The following GALK2 variants were observed in gnomAD, a reference collection of about 807,000 sequenced individuals.
The protein encoded by GALK2 is N-acetylgalactosamine kinase.
Under a neutral mutation model 52.4 loss-of-function variants are expected in GALK2, and 36 were observed. The observed-to-expected ratio is 0.69, with a 90% CI of 0.53 to 0.91. GALK2 has a LOEUF of 0.91. Ranked by LOEUF, GALK2 falls within the 40% of genes least tolerant of loss-of-function variation. The probability of loss-of-function intolerance (pLI) is 0.00; values close to 1 mark genes in which losing one functional copy is unlikely to be tolerated. For missense variants in GALK2, 579 were observed against 559.1 expected (o/e 1.04, Z -0.36); for synonymous variants, 176 against 199.1 (o/e 0.88, Z 0.98).
At chr15:49,156,421 C>G in intron 1 of GALK2, 1 of 445,328 alleles carries the variant, frequency 2.2e-6, no homozygotes, top group Non-Finnish European at 4.4e-6. Context: ...CTCCCAGGCA[C>G]CCCTCTACCA....
chr15:49,192,485 G>GTCTATATA (rs1360198549), intron 1 of GALK2, among the ~76,000 whole-genome samples: 1 of 102,976 alleles, frequency 9.7e-6, no homozygotes, highest in African/African-American at 4.1e-5. Context: ...ATATATATAT[G>GTCTATATA]TATATATATA....
chr15:49,343,690 A>C lies in GALK2; in HGVS notation c.427-23801A>C, dbSNP rs567309004. 5.9e-5 allele frequency: 9 copies of C among 152,334 alleles called. No homozygotes were observed. The East Asian group carries it at 1.7e-3, about 29-fold the overall frequency. The allele number at this position is 152,334 out of a possible 1,614,324, so 9.4% of individuals were successfully genotyped here. On this transcript the variant is annotated intron_variant, in intron 3 of 3. Transcript: ENST00000558399. ...TGTAATAGTGATGTAGGTTGTATTCAAACAGTAACTAACTGAATGGCCAAT... is the reference window on the plus strand; with the variant it reads ...TGTAATAGTGATGTAGGTTGTATTCCAACAGTAACTAACTGAATGGCCAAT...
intron 3 of GALK2, chr15:49,365,490 C>T (rs536742237): frequency 3.5e-6 from 3 of 859,796 alleles, no homozygotes; most frequent in Non-Finnish European, 6.1e-6. Context: ...TGCACACACT[C>T]ATTACTGAGA....
chr15:49,355,473 T>C (rs1286889366), intron 3 of GALK2, among the ~76,000 whole-genome samples: 1 of 151,984 alleles, frequency 6.6e-6, no homozygotes, highest in Admixed American at 6.5e-5. Flanking sequence ...TGCGATCAAC[T>C]GGAAGAAAGG....
At chr15:49,236,097 A>G (rs927436499) in intron 4 of GALK2, among the ~76,000 whole-genome samples, 156 bp downstream of exon 4, 3 of 152,182 alleles carry the variant, frequency 2.0e-5, no homozygotes, top group Non-Finnish European at 4.4e-5. Flanking sequence ...TGGGGAAGAT[A>G]TGACTGTTTT....
chr15:49,344,001 G>A (rs965702691), intron 3 of GALK2: 1 of 152,192 alleles, frequency 6.6e-6, no homozygotes. Context: ...ATTCTGCATA[G>A]TAATATTTTT....
chr15:49,168,250 C>T (rs771216614), upstream of GALK2, among the ~76,000 whole-genome samples: 22 of 152,098 alleles, frequency 1.4e-4, no homozygotes, highest in Admixed American at 9.2e-4. Flanking sequence ...AGTTAATGTT[C>T]GGTCATCAAG....
chr15:49,173,585 ATAT>A (rs1178537961), intron 1 of GALK2, among the ~76,000 whole-genome samples: 1 of 152,104 alleles, frequency 6.6e-6, no homozygotes, highest in Non-Finnish European at 1.5e-5. Flanking sequence ...TATCCTTGTA[ATAT>A]TATTGTGTCC....
intron 1 of GALK2, among the ~76,000 whole-genome samples, chr15:49,182,679 C>T (rs2086063550): frequency 6.6e-6 from 1 of 151,994 alleles, no homozygotes; most frequent in African/African-American, 2.4e-5. Flanking sequence ...GGATAAAAGC[C>T]ATTGTAGCTT....
intron 7 of GALK2, among the ~76,000 whole-genome samples, chr15:49,286,733 CTTTT>C (rs1373673097): frequency 1.3e-5 from 2 of 152,082 alleles, no homozygotes; most frequent in Non-Finnish European, 2.9e-5. Flanking sequence ...GTTCAATGAA[CTTTT>C]TTTCTTTTAC....
At chr15:49,299,740 TTTCTTTC>T (rs2034849998) in intron 8 of GALK2, among the ~76,000 whole-genome samples, 4,573 of 94,304 alleles carry the variant, frequency 0.048, 101 homozygotes, top group Admixed American at 0.11. Flanking sequence ...CTTTCTTTTC[TTTCTTTC>T]TTTCTTTCTT....
At chr15:49,327,407 A>C (rs1223820229) in intron 9 of GALK2, 1 of 152,212 alleles carries the variant, frequency 6.6e-6, no homozygotes, top group African/African-American at 2.4e-5. Flanking sequence ...TGATAAGTTT[A>C]TTCAGTGAAC....
At chr15:49,316,406 A>G (rs2036411633) in intron 8 of GALK2, among the ~76,000 whole-genome samples, 1 of 144,568 alleles carries the variant, frequency 6.9e-6, no homozygotes, top group Non-Finnish European at 1.5e-5. Context: ...GTAGCTGGGA[A>G]TTGAACAATG....
At chr15:49,288,840 C>T (rs2033648470) in intron 7 of GALK2, among the ~76,000 whole-genome samples, 1 of 152,114 alleles carries the variant, frequency 6.6e-6, no homozygotes, top group Non-Finnish European at 1.5e-5. Context: ...GAGCTTTTGC[C>T]TTGGTTGAAG....
intron 3 of GALK2, among the ~76,000 whole-genome samples, chr15:49,233,908 C>T (rs2090644513): frequency 6.6e-6 from 1 of 152,120 alleles, no homozygotes; most frequent in African/African-American, 2.4e-5. Flanking sequence ...GTCATCTTGG[C>T]TAGATTGTGA....
In GALK2 at chr15:49,195,218, C is replaced by T. The variant is rs140166165; in HGVS notation, c.54-5944C>T. ...TCCGGAGTAGCTGGGATTACAGGTGCGTGCCACCATGCTGGGCTAATTTTT... is the reference window on the plus strand; with the variant it reads ...TCCGGAGTAGCTGGGATTACAGGTGTGTGCCACCATGCTGGGCTAATTTTT... On this transcript the variant is annotated intron_variant, in intron 1 of 9. Coordinates refer to ENST00000560031, the MANE Select transcript of GALK2 (RefSeq NM_002044.4). 1.5e-3 allele frequency: 567 copies of T among 390,410 alleles called. 3 individuals carry two copies. Among genetic ancestry groups the T allele is most frequent in the African/African-American group, 0.011 (504 of 46,450 alleles). 24.2% of individuals were successfully genotyped at this position (390,410 alleles called of 1,614,324 possible). A position where few individuals can be genotyped will look rare whatever the true frequency, so the allele number is the denominator to read the frequency against.
At chr15:49,221,929 A>G (rs1164335959) in intron 3 of GALK2, among the ~76,000 whole-genome samples, 1 of 151,624 alleles carries the variant, frequency 6.6e-6, no homozygotes, top group Non-Finnish European at 1.5e-5. Flanking sequence ...ATATTTTTCT[A>G]TTTTTGTGAA....
At chr15:49,325,419 T>C (rs546584514) in intron 9 of GALK2, among the ~76,000 whole-genome samples, 7 of 152,340 alleles carry the variant, frequency 4.6e-5, no homozygotes, top group African/African-American at 1.7e-4. Context: ...TTATTGTTCT[T>C]CCAGAAAAAG....
rs966008982 is a variant in GALK2 at position 49,182,381 on chromosome 15, T to C, written c.53+12006T>C. Among the ~76,000 whole-genome samples the C allele has an allele frequency of 2.0e-5, 3 of 152,220 alleles. No homozygotes were observed. In the East Asian group the frequency reaches 5.8e-4, roughly 29 times the overall value. On this transcript the variant is annotated intron_variant, in intron 1 of 9. Coordinates refer to ENST00000560031, the MANE Select transcript of GALK2 (RefSeq NM_002044.4). ...ATTGTGTGTATATGCCACATTTCTT[T>C]ATTCATTTATCTGTTGCTGGACACT...
Sources: gnomAD v4.1 joint callset for allele counts (sites outside exome capture counted in the v4.1 genomes callset) on GRCh38, gnomAD v4.1.1 for gene constraint, MANE v1.5 for transcripts, NCBI Gene and HGNC (gene_info 2026-07-23, HGNC 2026-07-21) for gene names.